The following MYO1E variants were observed in gnomAD, a reference collection of about 807,000 sequenced individuals.
MYO1E encodes myosin IE, also known as unconventional myosin-Ie.
Under a neutral mutation model 151.1 loss-of-function variants are expected in MYO1E, and 68 were observed. The ratio of observed to expected loss-of-function variants is 0.45; its 90% CI spans 0.37 to 0.55. MYO1E has a LOEUF of 0.55. MYO1E is among the 20% of genes least tolerant of loss of function. The probability of loss-of-function intolerance (pLI) is 0.00; values close to 1 mark genes in which losing one functional copy is unlikely to be tolerated. For missense variants in MYO1E, 1,363 were observed against 1,389.3 expected, an observed-to-expected ratio of 0.98 and a Z score of 0.30; for synonymous variants, 601 against 501.7, an observed-to-expected ratio of 1.20 and a Z score of -2.64.
At chr15:59,266,120 C>T (rs989160664) in intron 2 of MYO1E, among the ~76,000 whole-genome samples, 2 of 152,088 alleles carry the variant, frequency 1.3e-5, no homozygotes, top group Admixed American at 6.6e-5. Context: ...TCACCTTTTC[C>T]ACCTTGCTAT....
At chr15:59,161,480 C>T (rs961022625) in intron 23 of MYO1E, among the ~76,000 whole-genome samples, 7 of 152,194 alleles carry the variant, frequency 4.6e-5, no homozygotes, top group Non-Finnish European at 1.0e-4. Flanking sequence ...GAGGGAGGTA[C>T]ATCTGGCTAA....
At chr15:59,219,922 T>C (rs2079943470) in intron 9 of MYO1E, among the ~76,000 whole-genome samples, 1 of 152,154 alleles carries the variant, frequency 6.6e-6, no homozygotes, top group Admixed American at 6.5e-5. Context: ...CTGAGAAACT[T>C]CTTTGCGATG....
chr15:59,317,176 G>A (rs144244862), intron 1 of MYO1E, among the ~76,000 whole-genome samples: 2 of 152,142 alleles, frequency 1.3e-5, no homozygotes, highest in Admixed American at 1.3e-4. Context: ...CAGATACTTT[G>A]CTATAAGTTG....
chr15:59,315,234 C>T (rs915245518), intron 1 of MYO1E, among the ~76,000 whole-genome samples: 3 of 152,052 alleles, frequency 2.0e-5, no homozygotes, highest in Admixed American at 6.6e-5. Flanking sequence ...CAATAGCTTC[C>T]ATTACATGTG....
Position 59,172,650 on chromosome 15 carries a change from C to T in MYO1E, c.2335-608G>A, listed in dbSNP as rs970341118. Among the ~76,000 whole-genome samples, 22 of 152,348 alleles carry T rather than the reference C, an allele frequency of 1.4e-4. 1 individual carries two copies. The highest frequency in any genetic ancestry group is 5.3e-4 in the African/African-American group (22 of 41,574). On this transcript the variant is annotated intron_variant, in intron 21 of 27. Transcript: ENST00000288235. ...AGGTGTAAAGGGAAAGTCACCAACACCTGTGGTGAACTTAGCAAGGATGCA... is the reference window on the plus strand; with the variant it reads ...AGGTGTAAAGGGAAAGTCACCAACATCTGTGGTGAACTTAGCAAGGATGCA...
intron 2 of MYO1E, chr15:59,266,891 G>C (rs1466165083): frequency 6.6e-6 from 1 of 151,654 alleles, no homozygotes; most frequent in East Asian, 1.9e-4. Context: ...TCGATCTCCT[G>C]ACCTTGTGAT....
At chr15:59,275,977 G>A (rs11637951) in intron 1 of MYO1E, among the ~76,000 whole-genome samples, 73,084 of 152,056 alleles carry the variant, frequency 0.48, 20,444 homozygotes, top group Non-Finnish European at 0.63. Flanking sequence ...TACATGGGCG[G>A]TGTGGTGGGG....
chr15:59,330,552 G>A (rs1388622848), intron 1 of MYO1E, among the ~76,000 whole-genome samples: 1 of 152,130 alleles, frequency 6.6e-6, no homozygotes, highest in Non-Finnish European at 1.5e-5. Context: ...GCACAGGGAG[G>A]TACTGTAATA....
chr15:59,143,038 T>G (rs2079420235), intron 26 of MYO1E, among the ~76,000 whole-genome samples: 1 of 151,922 alleles, frequency 6.6e-6, no homozygotes, highest in African/African-American at 2.4e-5. Context: ...CCTAAGGGGA[T>G]GCAGGACGCA....
chr15:59,330,036 T>G (rs547398005), intron 1 of MYO1E, among the ~76,000 whole-genome samples: 2 of 152,338 alleles, frequency 1.3e-5, no homozygotes, highest in South Asian at 4.1e-4. Flanking sequence ...CATTCCCAGC[T>G]TCAATATTCT....
At chr15:59,264,824 C>T (rs116351551) in intron 2 of MYO1E, 1,542 of 152,338 alleles carry the variant, frequency 0.01, 28 homozygotes, top group African/African-American at 0.035. Context: ...AGTTCGAAAC[C>T]AGCCTGGGCA....
At chr15:59,226,156 A>G (rs1417764089) in intron 7 of MYO1E, among the ~76,000 whole-genome samples, 1 of 152,236 alleles carries the variant, frequency 6.6e-6, no homozygotes. Context: ...TTATCTATAT[A>G]TGTTGCTTTA....
Position 59,188,051 on chromosome 15 carries a change from T to C in MYO1E, c.1904+67A>G. On this transcript the variant is annotated intron_variant, in intron 18 of 27. Transcript: ENST00000288235. ...GACTCGTACGCTTGAAGTGGGTGAA[T>C]TGTATAGATTTGAATTATAGCTCAA... 4 of 1,194,036 alleles carry C rather than the reference T, an allele frequency of 3.3e-6. No individual in the cohort carries two copies. In the South Asian group the frequency reaches 3.6e-5, roughly 11 times the overall value. The allele number at this position is 1,194,036 out of a possible 1,614,324, so 74.0% of individuals were successfully genotyped here.
At chr15:59,249,926 CATT>C (rs2080154024) in intron 4 of MYO1E, among the ~76,000 whole-genome samples, 1 of 152,146 alleles carries the variant, frequency 6.6e-6, no homozygotes, top group South Asian at 2.1e-4. Context: ...TCCTCTCCAA[CATT>C]ATTTGGAAGG....
At chr15:59,244,608 C>T (rs981445227) in intron 4 of MYO1E, among the ~76,000 whole-genome samples, 33 of 152,266 alleles carry the variant, frequency 2.2e-4, no homozygotes, top group African/African-American at 7.9e-4. Context: ...TAACCTAACA[C>T]CTGCTGGCTC....
chr15:59,283,570 C>G (rs1315266052), intron 1 of MYO1E, among the ~76,000 whole-genome samples: 17 of 152,334 alleles, frequency 1.1e-4, no homozygotes, highest in African/African-American at 3.8e-4. Context: ...TGGGCAGCCC[C>G]CAAGTATTTG....
At chr15:59,174,011 G>T in intron 20 of MYO1E, 96 bp from the exon 21 acceptor site, 3 of 1,511,982 alleles carry the variant, frequency 2.0e-6, no homozygotes, top group Non-Finnish European at 1.8e-6. Context: ...TCTAAATGAT[G>T]CAATATTTTT....
intron 18 of MYO1E, among the ~76,000 whole-genome samples, chr15:59,180,545 T>TC (rs113723580): frequency 0.011 from 1,615 of 141,378 alleles, 32 homozygotes; most frequent in African/African-American, 0.038. Flanking sequence ...TGCGTTTCTC[T>TC]TTTTTTTTTT....
Position 59,217,892 on chromosome 15 carries a change from T to G in MYO1E, c.1106A>C (p.Asp369Ala), listed in dbSNP as rs1566982308. 3 of 1,613,954 alleles carry G rather than the reference T, an allele frequency of 1.9e-6. No homozygotes were observed. Among genetic ancestry groups the G allele is most frequent in the African/African-American group, 2.7e-5 (2 of 74,906 alleles). Residue 369 changes from aspartate (D) to alanine (A), a missense_variant and splice_region_variant, in exon 10 of 28, where the codon GAT becomes GCT. By Grantham distance (126) the Asp-to-Ala change is moderately radical (BLOSUM62 -2). Coordinates refer to ENST00000288235, the MANE Select transcript of MYO1E (RefSeq NM_004998.4). ...LHARVFDFLV[D>A]SINKAMEKDH... is the part of the protein sequence containing the mutation. ...CCAGCATCAACTTCTGTTACTTACA[T>G]CTACCAAGAAATCAAAGACCCGGGC... is the stretch of plus-strand genomic sequence containing the variant.
Sources: gnomAD v4.1 joint callset for allele counts (sites outside exome capture counted in the v4.1 genomes callset) on GRCh38, gnomAD v4.1.1 for gene constraint, MANE v1.5 for transcripts, NCBI Gene and HGNC (gene_info 2026-07-23, HGNC 2026-07-21) for gene names.